The following LARGE1 variants were observed in gnomAD, a reference collection of about 807,000 sequenced individuals.
LARGE1 encodes the protein xylosyl- and glucuronyltransferase LARGE1.
LARGE1 carries 43 observed loss-of-function variants against 87.6 expected under a neutral mutation model. That is an observed-to-expected ratio of 0.49 (90% CI 0.38 to 0.63). LARGE1 has a LOEUF of 0.63. Ranked by LOEUF, LARGE1 falls within the 30% of genes least tolerant of loss-of-function variation. LARGE1 has a pLI of 0.00. For synonymous variants in LARGE1, 434 were observed against 394.6 expected (o/e 1.10, Z -1.18); for missense variants, 802 against 1,000.2 (o/e 0.80, Z 2.67).
At chr22:33,467,112 T>G (rs1305898877) in intron 6 of LARGE1, among the ~76,000 whole-genome samples, 2 of 152,234 alleles carry the variant, frequency 1.3e-5, no homozygotes, top group Admixed American at 1.3e-4. Flanking sequence ...TTGTTTCAAC[T>G]GTGTCTTCCA....
chr22:33,082,358 G>C, the LARGE1 span, among the ~76,000 whole-genome samples: 1 of 152,170 alleles, frequency 6.6e-6, no homozygotes, highest in East Asian at 1.9e-4. Context: ...ATTCTGCTCA[G>C]AGGAGTCATT....
downstream of LARGE1, among the ~76,000 whole-genome samples, chr22:33,161,425 A>G (rs8135130): frequency 0.049 from 7,452 of 152,210 alleles, 581 homozygotes; most frequent in African/African-American, 0.17. Context: ...CATTAACCCA[A>G]TAAAAGTCCA....
At chr22:33,846,371 C>A (rs2063429899) in intron 1 of LARGE1, among the ~76,000 whole-genome samples, 1 of 152,162 alleles carries the variant, frequency 6.6e-6, no homozygotes, top group Admixed American at 6.5e-5. Flanking sequence ...ATTTCTTATG[C>A]CTGTCTTTAC....
At chr22:33,629,211 A>G (rs971136286) in intron 3 of LARGE1, among the ~76,000 whole-genome samples, 1 of 152,206 alleles carries the variant, frequency 6.6e-6, no homozygotes, top group Non-Finnish European at 1.5e-5. Context: ...TCATGAGGGA[A>G]ATGAATAGGA....
intron 2 of LARGE1, among the ~76,000 whole-genome samples, chr22:33,736,577 T>C (rs2083663439): frequency 6.6e-6 from 1 of 152,258 alleles, no homozygotes; most frequent in Non-Finnish European, 1.5e-5. Context: ...TTTTCTCCTA[T>C]TTTGTGTCTT....
At chr22:33,354,650 A>G (rs948715447) in intron 9 of LARGE1, among the ~76,000 whole-genome samples, 5 of 152,224 alleles carry the variant, frequency 3.3e-5, no homozygotes, top group African/African-American at 1.2e-4. Flanking sequence ...AGACTTAAAT[A>G]TAATAGCTGA....
At chr22:33,499,015 T>C (rs1369624417) in intron 6 of LARGE1, among the ~76,000 whole-genome samples, 1 of 151,892 alleles carries the variant, frequency 6.6e-6, no homozygotes, top group East Asian at 1.9e-4. Context: ...AAAAAAAAAT[T>C]GAAATAAAAC....
intron 6 of LARGE1, among the ~76,000 whole-genome samples, chr22:33,478,896 A>C (rs2069191203): frequency 6.6e-6 from 1 of 152,148 alleles, no homozygotes; most frequent in African/African-American, 2.4e-5. Flanking sequence ...TAGAACATGG[A>C]TGTTGGGTAC....
chr22:33,711,936 T>C (rs916695217), intron 2 of LARGE1, among the ~76,000 whole-genome samples: 1 of 152,162 alleles, frequency 6.6e-6, no homozygotes, highest in South Asian at 2.1e-4. Context: ...GTTGGGACTG[T>C]AGGCGTGAGC....
chr22:33,766,936 A>C, intron 1 of LARGE1, among the ~76,000 whole-genome samples: 1 of 25,326 alleles, frequency 3.9e-5, no homozygotes, highest in Non-Finnish European at 8.3e-5. Flanking sequence ...ATATATATAT[A>C]TATATATATA....
At chr22:33,574,686 TTGTGTGTGTGTGTG>T (rs3986017) in intron 5 of LARGE1, among the ~76,000 whole-genome samples, 33,406 of 143,792 alleles carry the variant, frequency 0.23, 4,029 homozygotes, top group Middle Eastern at 0.28. Context: ...ATATAAACAA[TTGTGTGTGTGTGTG>T]TGTGTGTGTG....
At chr22:33,195,756 CTTTTTTT>C (rs71187249) in intron 11 of LARGE1, among the ~76,000 whole-genome samples, 2 of 130,734 alleles carry the variant, frequency 1.5e-5, no homozygotes, top group Admixed American at 7.9e-5. Context: ...TTTCTTTTTT[CTTTTTTT>C]TTTTTTTTTG....
At chr22:33,286,012 CA>C (rs1931462446) in intron 12 of LARGE1, among the ~76,000 whole-genome samples, 1 of 152,162 alleles carries the variant, frequency 6.6e-6, no homozygotes, top group African/African-American at 2.4e-5. Context: ...CACTCTTTAC[CA>C]TAGTGCTCAT....
At chr22:33,179,389 T>C (rs938266749) in intron 11 of LARGE1, among the ~76,000 whole-genome samples, 2 of 149,692 alleles carry the variant, frequency 1.3e-5, no homozygotes, top group Non-Finnish European at 3.0e-5. Flanking sequence ...GAGCAAAATC[T>C]TTCCCAAATT....
At chr22:33,150,014 C>G in the LARGE1 span, among the ~76,000 whole-genome samples, 1 of 152,162 alleles carries the variant, frequency 6.6e-6, no homozygotes, top group African/African-American at 2.4e-5. Flanking sequence ...CCAAAAGTCC[C>G]ATAGACAGGT....
At chr22:33,258,756 G>A (rs191734230) in intron 11 of LARGE1, among the ~76,000 whole-genome samples, 113 of 152,176 alleles carry the variant, frequency 7.4e-4, no homozygotes, top group Admixed American at 7.2e-3. Flanking sequence ...GCTTTGTATC[G>A]TGGACTCACT....
chr22:33,545,342 C>T (rs1051076620), intron 6 of LARGE1, among the ~76,000 whole-genome samples: 3 of 149,862 alleles, frequency 2.0e-5, no homozygotes, highest in Non-Finnish European at 4.4e-5. Flanking sequence ...TCTCAGCTCA[C>T]TGCAGCCGCA....
At chr22:33,278,496 C>T (rs543915116) in intron 13 of LARGE1, among the ~76,000 whole-genome samples, 1 of 151,968 alleles carries the variant, frequency 6.6e-6, no homozygotes, top group Non-Finnish European at 1.5e-5. Flanking sequence ...CAATAAGAAG[C>T]AGCTAATATT....
At chr22:33,125,447 ATTTT>A in the LARGE1 span, among the ~76,000 whole-genome samples, 2 of 144,254 alleles carry the variant, frequency 1.4e-5, no homozygotes. Flanking sequence ...CCTGCTTTCA[ATTTT>A]TTTTTTTTTT....
Sources: allele counts gnomAD v4.1 joint callset (sites outside exome capture counted in the v4.1 genomes callset), GRCh38; gene constraint gnomAD v4.1.1; transcripts MANE v1.5; gene names NCBI Gene and HGNC (gene_info 2026-07-23, HGNC 2026-07-21).